Variants in GNPAT observed in about 807,000 individuals in gnomAD.
The protein encoded by GNPAT is dihydroxyacetone phosphate acyltransferase.
A neutral mutation model predicts 78.4 loss-of-function variants in GNPAT; 30 were observed. The observed-to-expected ratio is 0.38, with a 90% CI of 0.29 to 0.52. GNPAT has a LOEUF of 0.52. Ranked by LOEUF, GNPAT falls within the 20% of genes least tolerant of loss-of-function variation. The pLI, the probability that GNPAT is intolerant of heterozygous loss-of-function variation, is 0.84. For synonymous variants in GNPAT, 271 were observed against 281.1 expected, an observed-to-expected ratio of 0.96 and a Z score of 0.36; for missense variants, 714 against 812.2, an observed-to-expected ratio of 0.88 and a Z score of 1.47.
intron 2 of GNPAT, among the ~76,000 whole-genome samples, chr1:231,254,697 C>T (rs1055837267): frequency 6.6e-6 from 1 of 151,864 alleles, no homozygotes; most frequent in African/African-American, 2.4e-5. Flanking sequence ...ATCCACCCGC[C>T]TTGGCCTCCC....
chr1:231,243,459 G>C (rs1368806605), intron 1 of GNPAT, among the ~76,000 whole-genome samples: 6 of 152,094 alleles, frequency 3.9e-5, no homozygotes, highest in African/African-American at 1.4e-4. Context: ...GAGTAGCTGG[G>C]ATTTTAGGCA....
intron 2 of GNPAT, among the ~76,000 whole-genome samples, chr1:231,252,708 T>G (rs1293226211): frequency 6.6e-6 from 1 of 152,198 alleles, no homozygotes; most frequent in Non-Finnish European, 1.5e-5. Context: ...CTCTCCTTTT[T>G]TTTTTTTCTT....
chr1:231,269,730 T>A (rs1685501226), intron 9 of GNPAT: 1 of 152,174 alleles, frequency 6.6e-6, no homozygotes, highest in South Asian at 2.1e-4. Flanking sequence ...CAGGAACATA[T>A]GAAAACATAG....
rs3767758 is a variant in GNPAT, at chr1:231,270,549, T to C, written c.1280-209T>C. Among the ~76,000 whole-genome samples, 82,711 of 152,048 alleles carry C rather than the reference T, an allele frequency of 0.54. 22,684 individuals carry two copies. Among genetic ancestry groups the C allele is most frequent in the East Asian group, 0.62 (3,193 of 5,174 alleles). On this transcript the variant is annotated intron_variant, in intron 9 of 15. Transcript: ENST00000366647. ...TGGGGGTAAGAAAGTATGTTACATG[T>C]CCTTAGAGAGAGAGAAAGAATTGAT...
intron 2 of GNPAT, among the ~76,000 whole-genome samples, chr1:231,253,057 C>T (rs1348775241): frequency 1.3e-5 from 2 of 152,194 alleles, no homozygotes; most frequent in East Asian, 1.9e-4. Flanking sequence ...CAAGCTCCGC[C>T]TCCCGGGTTC....
chr1:231,246,044 ATAACT>A lies in GNPAT; in HGVS notation c.78+4593_78+4597del, dbSNP rs1483993483. On this transcript the variant is annotated intron_variant, in intron 1 of 15. Transcript: ENST00000366647. ...TTTTTAAAAAAGGTAATAAATACTGATAACTTAACATTTTCTCATTATTGTACTAT... is the reference window on the plus strand; with the variant it reads ...TTTTTAAAAAAGGTAATAAATACTGATAACATTTTCTCATTATTGTACTAT... 5.9e-5 allele frequency among the ~76,000 whole-genome samples: 9 copies of A among 152,330 alleles called. No homozygotes were observed. In the East Asian group the frequency reaches 7.7e-4, roughly 13 times the overall value.
At chr1:231,247,307 T>G (rs1684776549) in intron 1 of GNPAT, among the ~76,000 whole-genome samples, 2 of 152,196 alleles carry the variant, frequency 1.3e-5, no homozygotes, top group East Asian at 3.8e-4. Context: ...CATTCTACAG[T>G]GGCTTGAGTT....
rs772122274 is a variant in GNPAT, at chr1:231,266,271, T to C, written c.925-6T>C. 9 of 1,614,036 alleles carry C rather than the reference T, an allele frequency of 5.6e-6. No homozygotes were observed. In the African/African-American group the frequency reaches 1.2e-4, roughly 22 times the overall value. On this transcript the variant is annotated splice_region_variant and splice_polypyrimidine_tract_variant and intron_variant, in intron 7 of 15. Transcript: ENST00000366647. ...TTTTCTTCCCCCCCTGTTATGGTAC[T>C]ATTAGGGGTTGCTGAAAGCCAGAAA...
At chr1:231,272,975 A>G (rs1685609521) in intron 11 of GNPAT, among the ~76,000 whole-genome samples, 2 of 151,302 alleles carry the variant, frequency 1.3e-5, no homozygotes, top group Non-Finnish European at 3.0e-5. Context: ...ACTCCATCTC[A>G]AAAAAAAAGA....
rs552392319 is a variant in GNPAT, at chr1:231,275,284, G to A, written c.1807G>A (p.Ala603Thr). ...DHFSEEQYLA[A>T]VRKFTSQLLD... The stretch of plus-strand genomic sequence containing the variant: ...CTTCAGTGAGGAACAGTACTTGGCT[G>A]CAGTCAGAAAATTCACAAGTCAGCT... Residue 603 changes from alanine to threonine, a missense_variant, in exon 13 of 16, where the codon GCA becomes ACA. Physicochemically the swap from Ala to Thr is moderately conservative, Grantham distance 58 (BLOSUM62 0). Coordinates refer to ENST00000366647, the MANE Select transcript of GNPAT (RefSeq NM_014236.4). 1.9e-6 allele frequency: 3 copies of A among 1,613,070 alleles called. No individual in the cohort carries two copies. The highest frequency in any genetic ancestry group is 1.1e-5 in the South Asian group (1 of 91,072).
chr1:231,272,170 C>T (rs1034098349), intron 10 of GNPAT, 142 bp from the exon 11 acceptor site: 2 of 641,474 alleles, frequency 3.1e-6, no homozygotes, highest in Non-Finnish European at 3.0e-6. Context: ...AATTTAGCTT[C>T]CCTCAGGGGA....
intron 2 of GNPAT, among the ~76,000 whole-genome samples, chr1:231,254,353 A>G (rs1684982215): frequency 6.6e-6 from 1 of 151,830 alleles, no homozygotes; most frequent in Admixed American, 6.5e-5. Context: ...CCAAAATGAC[A>G]GTTTTAGCAG....
chr1:231,262,030 A>C (rs2102814616), intron 3 of GNPAT, among the ~76,000 whole-genome samples: 1 of 152,310 alleles, frequency 6.6e-6, no homozygotes, highest in Non-Finnish European at 1.5e-5. Context: ...GGCCTCTGTT[A>C]CATTTAGATT....
At chr1:231,264,212 G>A (rs1214101231) in intron 4 of GNPAT, among the ~76,000 whole-genome samples, 1 of 152,100 alleles carries the variant, frequency 6.6e-6, no homozygotes, top group Non-Finnish European at 1.5e-5. Flanking sequence ...TTTATCCTAA[G>A]AGTTTTATGG....
At chr1:231,267,943 A>C in intron 9 of GNPAT, 40 bp downstream of exon 9, 1 of 1,229,556 alleles carries the variant, frequency 8.1e-7, no homozygotes. Flanking sequence ...TGCTTGCTTA[A>C]TTTGGAAGAG....
intron 14 of GNPAT, 48 bp from the exon 15 acceptor site, chr1:231,276,087 C>T: frequency 1.2e-6 from 1 of 843,448 alleles, no homozygotes; most frequent in Admixed American, 1.9e-5. Flanking sequence ...TAAAAGTTGT[C>T]TTTTCCCCAG....
intron 7 of GNPAT, 21 bp from the exon 8 acceptor site, chr1:231,266,256 C>G: frequency 2.5e-6 from 4 of 1,613,898 alleles, no homozygotes; most frequent in Non-Finnish European, 3.4e-6. Context: ...TTTTCTTCCC[C>G]CCCTGTTATG....
chr1:231,257,700 C>T (rs994068300), intron 2 of GNPAT, among the ~76,000 whole-genome samples: 2 of 152,216 alleles, frequency 1.3e-5, no homozygotes, highest in Non-Finnish European at 2.9e-5. Context: ...CACTTTCCAT[C>T]TATAGCTTGG....
At position 231,275,186 on chromosome 1, in the gene GNPAT, C is replaced by A. The variant is rs769796166; in HGVS notation, c.1744-35C>A. 13 of 1,258,524 alleles carry A rather than the reference C, an allele frequency of 1.0e-5. No individual in the cohort carries two copies. In the South Asian group the frequency reaches 1.3e-4, roughly 13 times the overall value. 78.0% of individuals were successfully genotyped at this position (1,258,524 alleles called of 1,614,324 possible). A position where few individuals can be genotyped will look rare whatever the true frequency, so the allele number is the denominator to read the frequency against. ...TGTTGAACTTGGCTATCCTTTTTCT[C>A]TTTCTGTTCCCCTCATCCTTCCTCT... On this transcript the variant is annotated intron_variant, in intron 12 of 15. Coordinates refer to ENST00000366647, the MANE Select transcript of GNPAT (RefSeq NM_014236.4).
Sources: allele counts gnomAD v4.1 joint callset (sites outside exome capture counted in the v4.1 genomes callset), GRCh38; gene constraint gnomAD v4.1.1; transcripts MANE v1.5; gene names NCBI Gene and HGNC (gene_info 2026-07-23, HGNC 2026-07-21).